The following DHRSX variants were observed in gnomAD, a reference collection of about 807,000 sequenced individuals.
DHRSX encodes the protein polyprenol dehydrogenase.
Under a neutral mutation model 34.0 loss-of-function variants are expected in DHRSX, and 31 were observed. That is an observed-to-expected ratio of 0.91 (90% CI 0.69 to 1.23). The LOEUF is 1.23. DHRSX is among the 50% of genes most tolerant of loss of function. The pLI is 0.00. For missense variants in DHRSX, 414 were observed against 428.1 expected (o/e 0.97, Z 0.29); for synonymous variants, 201 against 183.8 (o/e 1.09, Z -0.76).
chrX:2,379,353 C>T (rs1427300454), intron 3 of DHRSX, among the ~76,000 whole-genome samples: 4 of 152,176 alleles, frequency 2.6e-5, no homozygotes, highest in East Asian at 1.9e-4. Context: ...GTGCCAATGA[C>T]GTCTGATTCC....
intron 1 of DHRSX, among the ~76,000 whole-genome samples, chrX:2,456,540 G>T (rs2044299199): frequency 6.6e-6 from 1 of 150,916 alleles, no homozygotes; most frequent in African/African-American, 2.4e-5. Context: ...CTTGAACACA[G>T]GAGGCGGAGG....
intron 3 of DHRSX, among the ~76,000 whole-genome samples, chrX:2,309,566 A>G (rs1306153161): frequency 6.6e-6 from 1 of 152,178 alleles, no homozygotes; most frequent in Non-Finnish European, 1.5e-5. Flanking sequence ...GTCCATAACC[A>G]CTACCTGAAA....
intron 1 of DHRSX, chrX:2,487,997 C>T (rs1447315914): frequency 6.6e-6 from 1 of 151,834 alleles, no homozygotes; most frequent in Non-Finnish European, 1.5e-5. Context: ...TTCTTCTAAA[C>T]CCTCCCAGGG....
intron 1 of DHRSX, among the ~76,000 whole-genome samples, chrX:2,448,946 T>C (rs1158500443): frequency 6.6e-6 from 1 of 152,112 alleles, no homozygotes; most frequent in African/African-American, 2.4e-5. Flanking sequence ...CCCAGCACTT[T>C]GGGAGGCTGA....
At chrX:2,309,433 TAAAG>T (rs1000856516) in intron 3 of DHRSX, among the ~76,000 whole-genome samples, 8 of 152,272 alleles carry the variant, frequency 5.3e-5, no homozygotes, top group East Asian at 1.9e-4. Context: ...AATGTAAACT[TAAAG>T]AAGTCTTCCA....
intron 3 of DHRSX, among the ~76,000 whole-genome samples, chrX:2,312,860 C>A (rs73187612): frequency 0.47 from 71,056 of 151,794 alleles, 17,133 homozygotes; most frequent in Non-Finnish European, 0.52. Flanking sequence ...AGGTCCTGCC[C>A]ATGGGCCAGA....
intron 3 of DHRSX, among the ~76,000 whole-genome samples, chrX:2,358,388 C>T (rs1190944459): frequency 6.6e-6 from 1 of 152,146 alleles, no homozygotes; most frequent in African/African-American, 2.4e-5. Context: ...TGAACAGACA[C>T]TTTTCAAAAG....
At chrX:2,295,953 G>A (rs893609048) in intron 3 of DHRSX, among the ~76,000 whole-genome samples, 1 of 152,024 alleles carries the variant, frequency 6.6e-6, no homozygotes, top group Admixed American at 6.6e-5. Context: ...TCCTTTTCTG[G>A]GATGGACTGT....
At chrX:2,488,630 C>T (rs2045014674) in intron 1 of DHRSX, 2 of 1,589,754 alleles carry the variant, frequency 1.3e-6, no homozygotes, top group South Asian at 1.1e-5. Context: ...CAACACGCTT[C>T]CTCGCTACAG....
chrX:2,478,774 G>C (rs1031957927), intron 1 of DHRSX, among the ~76,000 whole-genome samples: 2 of 150,682 alleles, frequency 1.3e-5, no homozygotes, highest in Non-Finnish European at 3.0e-5. Context: ...CCATTGTGTA[G>C]GCACTGACGA....
At chrX:2,327,059 C>T (rs1182828667) in intron 3 of DHRSX, among the ~76,000 whole-genome samples, 3 of 152,156 alleles carry the variant, frequency 2.0e-5, no homozygotes, top group Non-Finnish European at 4.4e-5. Context: ...GTGATCCACC[C>T]GCCTCAGCCT....
chrX:2,255,794 G>A (rs372104397), intron 5 of DHRSX, among the ~76,000 whole-genome samples: 16 of 151,682 alleles, frequency 1.1e-4, no homozygotes, highest in African/African-American at 3.6e-4. Flanking sequence ...GGTGCCTGTA[G>A]TCCCAGCTAC....
At chrX:2,241,406 G>A (rs185668645) in intron 6 of DHRSX, among the ~76,000 whole-genome samples, 4 of 152,232 alleles carry the variant, frequency 2.6e-5, no homozygotes, top group Middle Eastern at 3.4e-3. Flanking sequence ...TGTGTCTCCC[G>A]ATGCACAGGA....
chrX:2,427,938 ATGT>A (rs1427237536), intron 1 of DHRSX, among the ~76,000 whole-genome samples: 1 of 152,196 alleles, frequency 6.6e-6, no homozygotes, highest in Admixed American at 6.5e-5. Context: ...AAAAGGAATG[ATGT>A]TGTGTCTTTT....
In DHRSX at chrX:2,375,230, C is replaced by T. The variant is rs1429886934; in HGVS notation, c.286+33515G>A. 7.9e-5 allele frequency among the ~76,000 whole-genome samples: 11 copies of T among 138,416 alleles called. 3 individuals carry two copies. Among genetic ancestry groups the T allele is most frequent in the Non-Finnish European group, 1.5e-4 (9 of 58,634 alleles). The allele number at this position is 138,416 out of a possible 152,430, so 90.8% of individuals were successfully genotyped here. A position where few individuals can be genotyped will look rare whatever the true frequency, so the allele number is the denominator to read the frequency against. Reference sequence around the variant, plus strand: ...AAAGCAACCACATCAGGTGGGAATACGCCCTCCCAGTCAGCAGGTGCGTTC... The same window carrying T: ...AAAGCAACCACATCAGGTGGGAATATGCCCTCCCAGTCAGCAGGTGCGTTC... On this transcript the variant is annotated intron_variant, in intron 3 of 6. Coordinates refer to ENST00000334651, the MANE Select transcript of DHRSX (RefSeq NM_145177.3).
At chrX:2,361,636 A>G (rs1205388617) in intron 3 of DHRSX, among the ~76,000 whole-genome samples, 1 of 152,182 alleles carries the variant, frequency 6.6e-6, no homozygotes. Context: ...GGATACAGAG[A>G]GCTGGAGTTC....
At chrX:2,338,497 T>C (rs1478581637) in intron 3 of DHRSX, among the ~76,000 whole-genome samples, 3 of 151,848 alleles carry the variant, frequency 2.0e-5, no homozygotes, top group Non-Finnish European at 4.4e-5. Flanking sequence ...GGAGGTCGAA[T>C]GGGAGGGGTT....
chrX:2,485,848 G>A (rs1432584250), intron 1 of DHRSX, among the ~76,000 whole-genome samples: 1 of 100,536 alleles, frequency 9.9e-6, no homozygotes, highest in African/African-American at 4.5e-5. Context: ...AAGGAAGGGA[G>A]AGAAAGAAAG....
intron 1 of DHRSX, among the ~76,000 whole-genome samples, chrX:2,455,373 A>C (rs1297979512): frequency 6.6e-6 from 1 of 152,010 alleles, no homozygotes; most frequent in Non-Finnish European, 1.5e-5. Context: ...TTGATGAAAT[A>C]ATCTCTACAC....
Sources: allele counts gnomAD v4.1 joint callset (sites outside exome capture counted in the v4.1 genomes callset), GRCh38; gene constraint gnomAD v4.1.1; transcripts MANE v1.5; gene names NCBI Gene and HGNC (gene_info 2026-07-23, HGNC 2026-07-21).